Variants in ATP13A4 observed in about 807,000 individuals in gnomAD.
ATP13A4 encodes the protein ATPase 13A4.
In ATP13A4, 114 loss-of-function variants were observed where a neutral mutation model predicts 142.5. The observed-to-expected ratio is 0.80, with a 90% CI of 0.69 to 0.93. The LOEUF (loss-of-function observed/expected upper bound fraction) is 0.93, where lower values mean the gene tolerates loss of function less well. Ranked by LOEUF, ATP13A4 falls within the 40% of genes least tolerant of loss-of-function variation. The pLI, the probability that ATP13A4 is intolerant of heterozygous loss-of-function variation, is 0.00. For missense variants in ATP13A4, 1,392 were observed against 1,454.0 expected (o/e 0.96, Z 0.69); for synonymous variants, 488 against 514.8 (o/e 0.95, Z 0.70).
chr3:193,450,707 A>T (rs1444951920), intron 17 of ATP13A4, among the ~76,000 whole-genome samples: 1 of 152,208 alleles, frequency 6.6e-6, no homozygotes, highest in East Asian at 1.9e-4. Flanking sequence ...TCTATGGCAG[A>T]CGCACCTAAA....
At chr3:193,552,969 C>G (rs975364246) in intron 1 of ATP13A4, among the ~76,000 whole-genome samples, 2 of 152,144 alleles carry the variant, frequency 1.3e-5, no homozygotes, top group African/African-American at 4.8e-5. Context: ...GTTTACTGCT[C>G]TGGGCAAGGG....
intron 1 of ATP13A4, among the ~76,000 whole-genome samples, chr3:193,583,881 A>T (rs1009416458): frequency 2.0e-5 from 3 of 152,216 alleles, no homozygotes; most frequent in Admixed American, 6.5e-5. Flanking sequence ...AAGGTATAAA[A>T]ATTGTTCTTT....
Position 193,400,491 on chromosome 3 carries a change from G to A in ATP13A4, c.*2161C>T, listed in dbSNP as rs3732525. ...ATGCCTGGCATTCATTTGAACAGAG[G>A]GCCTGGTATTAGCAAAGGGTTGCCC... is the stretch of plus-strand genomic sequence containing the variant. On this transcript the variant is annotated 3_prime_UTR_variant, in exon 30 of 30. Coordinates refer to ENST00000342695, the MANE Select transcript of ATP13A4 (RefSeq NM_032279.4). Among the ~76,000 whole-genome samples the A allele has an allele frequency of 0.06, 9,081 of 152,238 alleles. 380 individuals carry two copies. Among genetic ancestry groups the A allele is most frequent in the Middle Eastern group, 0.1 (30 of 294 alleles).
At position 193,466,005 on chromosome 3, in the gene ATP13A4, A is replaced by T. The variant is rs200673586; in HGVS notation, c.1272+20T>A. 5.0e-6 allele frequency: 8 copies of T among 1,612,886 alleles called. No individual in the cohort carries two copies. The African/African-American group carries it at 6.7e-5, about 13-fold the overall frequency. On this transcript the variant is annotated intron_variant, in intron 11 of 29. Coordinates refer to ENST00000342695, the MANE Select transcript of ATP13A4 (RefSeq NM_032279.4). ...GAGATGAGTGTGTGTGCATTTAATA[A>T]AAGAGCAAAGACAGCTTACCCCACT... is the stretch of plus-strand genomic sequence containing the variant.
chr3:193,448,406 C>A, intron 17 of ATP13A4, 76 bp from the exon 18 acceptor site: 1 of 1,560,058 alleles, frequency 6.4e-7, no homozygotes, highest in South Asian at 1.1e-5. Context: ...GAGTCTCGCT[C>A]TGTCATCCAG....
At chr3:193,489,679 A>C (rs764402463) in intron 7 of ATP13A4, 51 bp downstream of exon 7, 1 of 1,563,574 alleles carries the variant, frequency 6.4e-7, no homozygotes, top group Admixed American at 1.7e-5. Context: ...ATTTTTAATA[A>C]AGTCATTATC....
At chr3:193,441,622 T>C (rs765919743) in intron 19 of ATP13A4, 34 bp from the exon 20 acceptor site, 18 of 1,608,722 alleles carry the variant, frequency 1.1e-5, no homozygotes, top group Non-Finnish European at 1.3e-5. Flanking sequence ...TTAGACTCTT[T>C]CATTTGACAG....
rs1380781026 is a variant in ATP13A4, at chr3:193,462,804, T to C, written c.1481A>G (p.Asp494Gly). 1 of 1,613,894 alleles carries C rather than the reference T, an allele frequency of 6.2e-7. No homozygotes were observed. The highest frequency in any genetic ancestry group is 1.1e-5 in the South Asian group (1 of 91,076). ...CFDKTGTLTR[D>G]GLDLWGVVSC... ...CACGACTCCCCAGAGGTCCAAGCCGTCCCTTGTTAAGGTGCCTGTCTAAAC... is the reference window on the plus strand; with the variant it reads ...CACGACTCCCCAGAGGTCCAAGCCGCCCCTTGTTAAGGTGCCTGTCTAAAC... Residue 494 changes from aspartate (D) to glycine (G), a missense_variant, in exon 13 of 30, where the codon GAC (aspartate) becomes GGC (glycine). Transcript: ENST00000342695.
At chr3:193,457,294 C>T in intron 15 of ATP13A4, 85 bp downstream of exon 15, 2 of 1,572,852 alleles carry the variant, frequency 1.3e-6, no homozygotes, top group East Asian at 2.2e-5. Context: ...TTCAAAGACA[C>T]ATCTGTGACC....
In ATP13A4 at chr3:193,401,793, C is replaced by G. The variant is rs1714270582; in HGVS notation, c.*859G>C. Reference sequence around the variant, plus strand: ...CCCTGTGTAGTGACAGCTCATAAGCCCATGAAGCATCCCTAAACACAGGAG... The same window carrying G: ...CCCTGTGTAGTGACAGCTCATAAGCGCATGAAGCATCCCTAAACACAGGAG... On this transcript the variant is annotated 3_prime_UTR_variant, in exon 30 of 30. Coordinates refer to ENST00000342695, the MANE Select transcript of ATP13A4 (RefSeq NM_032279.4). 1.3e-5 allele frequency among the ~76,000 whole-genome samples: 2 copies of G among 152,178 alleles called. No homozygotes were observed. Among genetic ancestry groups the G allele is most frequent in the African/African-American group, 4.8e-5 (2 of 41,440 alleles).
At chr3:193,487,216 G>A (rs1431064335) in intron 7 of ATP13A4, among the ~76,000 whole-genome samples, 2 of 152,066 alleles carry the variant, frequency 1.3e-5, no homozygotes, top group Non-Finnish European at 2.9e-5. Context: ...CCAACTGAGA[G>A]GTTTAGCGAT....
chr3:193,540,227 G>A (rs1042205690), intron 1 of ATP13A4, among the ~76,000 whole-genome samples: 4 of 151,940 alleles, frequency 2.6e-5, no homozygotes, highest in African/African-American at 9.7e-5. Flanking sequence ...AACATGTTCT[G>A]CTTGGTCATA....
At chr3:193,577,225 C>T (rs1301697116) in intron 2 of ATP13A4, among the ~76,000 whole-genome samples, 1 of 152,168 alleles carries the variant, frequency 6.6e-6, no homozygotes, top group African/African-American at 2.4e-5. Flanking sequence ...AAAACAAATC[C>T]AAACATAATT....
rs963633294 is a variant in ATP13A4 at position 193,399,171 on chromosome 3, G to T, written c.*3481C>A. 6.6e-6 allele frequency among the ~76,000 whole-genome samples: 1 copy of T among 152,112 alleles called. No homozygotes were observed. Among genetic ancestry groups the T allele is most frequent in the African/African-American group, 2.4e-5 (1 of 41,428 alleles). On this transcript the variant is annotated 3_prime_UTR_variant, in exon 30 of 30. Transcript: ENST00000342695. ...GGGTAAGAGCTAGATGCCTTGAGAT[G>T]AACATACAGGGCACCGTCTCAAATG...
chr3:193,474,344 AAAAC>A (rs1553847124), intron 8 of ATP13A4, among the ~76,000 whole-genome samples: 7 of 101,798 alleles, frequency 6.9e-5, no homozygotes, highest in East Asian at 3.0e-4. Context: ...AAAAAAAAAA[AAAAC>A]AAACAAAAAA....
intron 1 of ATP13A4, among the ~76,000 whole-genome samples, chr3:193,520,279 T>G (rs1721649729): frequency 6.6e-6 from 1 of 152,096 alleles, no homozygotes; most frequent in South Asian, 2.1e-4. Flanking sequence ...TTTAACTGTA[T>G]TATCTCCCTG....
Position 193,489,721 on chromosome 3 carries a change from A to G in ATP13A4, c.738+9T>C, listed in dbSNP as rs1487199805. The stretch of plus-strand genomic sequence containing the variant: ...TTTATGAAACCATAGAATTAATAGA[A>G]AAACTCACCTCTCTGAGATCATATA... On this transcript the variant is annotated intron_variant, in intron 7 of 29. Coordinates refer to ENST00000342695, the MANE Select transcript of ATP13A4 (RefSeq NM_032279.4). 2 of 1,606,172 alleles carry G rather than the reference A, an allele frequency of 1.2e-6. No individual in the cohort carries two copies. The highest frequency in any genetic ancestry group is 1.7e-5 in the Admixed American group (1 of 59,974).
rs758757657 is a variant in ATP13A4, at chr3:193,502,516, C to A, written c.358G>T (p.Ala120Ser). 7 of 1,614,010 alleles carry A rather than the reference C, an allele frequency of 4.3e-6. No individual in the cohort carries two copies. In the South Asian group the frequency reaches 6.6e-5, roughly 15 times the overall value. Residue 120 changes from alanine to serine, a missense_variant, in exon 3 of 30, where the codon GCC becomes TCC. Coordinates refer to ENST00000342695, the MANE Select transcript of ATP13A4 (RefSeq NM_032279.4). ...MTDEEYIINR[A>S]IRKPDLKVRC... Reference sequence around the variant, plus strand: ...ACCTTTAGGTCTGGCTTTCTTATGGCTCTATTTATGATATACTCCTCATCT... The same window carrying A: ...ACCTTTAGGTCTGGCTTTCTTATGGATCTATTTATGATATACTCCTCATCT...
chr3:193,487,453 A>G (rs1220644458), intron 7 of ATP13A4, among the ~76,000 whole-genome samples: 2 of 152,216 alleles, frequency 1.3e-5, no homozygotes, highest in African/African-American at 4.8e-5. Context: ...ACACTTATCT[A>G]CTGTTGTAAG....
Sources: allele counts gnomAD v4.1 joint callset (sites outside exome capture counted in the v4.1 genomes callset), GRCh38; gene constraint gnomAD v4.1.1; transcripts MANE v1.5; gene names NCBI Gene and HGNC (gene_info 2026-07-23, HGNC 2026-07-21).